The following GALK2 variants were observed in gnomAD, a reference collection of about 807,000 sequenced individuals.
GALK2 encodes galactokinase 2, also known as N-acetylgalactosamine kinase.
Under a neutral mutation model 52.4 loss-of-function variants are expected in GALK2, and 36 were observed. That is an observed-to-expected ratio of 0.69 (90% confidence interval 0.53 to 0.91). The LOEUF (loss-of-function observed/expected upper bound fraction) is 0.91. Ranked by LOEUF, GALK2 falls within the 40% of genes least tolerant of loss-of-function variation. GALK2 has a pLI of 0.00. For synonymous variants in GALK2, 176 were observed against 199.1 expected, an observed-to-expected ratio of 0.88 and a Z score of 0.98; for missense variants, 579 against 559.1, an observed-to-expected ratio of 1.04 and a Z score of -0.36.
chr15:49,333,088 A>G (rs1344375048), downstream of GALK2, among the ~76,000 whole-genome samples: 1 of 152,084 alleles, frequency 6.6e-6, no homozygotes, highest in Non-Finnish European at 1.5e-5. Flanking sequence ...TCATCTCACT[A>G]AGTTAAAATC....
chr15:49,301,571 A>C (rs1378606075), intron 8 of GALK2, among the ~76,000 whole-genome samples: 1 of 152,146 alleles, frequency 6.6e-6, no homozygotes, highest in Non-Finnish European at 1.5e-5. Flanking sequence ...GGACAGAAGA[A>C]TTTCTGAGAA....
chr15:49,214,048 A>G (rs2089164902), intron 2 of GALK2, among the ~76,000 whole-genome samples: 1 of 152,004 alleles, frequency 6.6e-6, no homozygotes, highest in Non-Finnish European at 1.5e-5. Context: ...TGAACCCGGG[A>G]GGTGGAGCGT....
rs568116826 is a variant in GALK2 at position 49,316,741 on chromosome 15, A to T, written c.968-2863A>T. On this transcript the variant is annotated intron_variant, in intron 8 of 9. Transcript: ENST00000560031. ...TTAGGGGAGAGGAACCTAGGGGCAG[A>T]CCCAGGAGGAGAGAAAGTCATGTAG... 6.3e-4 allele frequency among the ~76,000 whole-genome samples: 96 copies of T among 152,304 alleles called. 1 individual carries two copies. Among genetic ancestry groups the T allele is most frequent in the Non-Finnish European group, 2.1e-4 (14 of 68,028 alleles).
chr15:49,335,705 A>G (rs975393586), downstream of GALK2, among the ~76,000 whole-genome samples: 7 of 152,178 alleles, frequency 4.6e-5, no homozygotes, highest in African/African-American at 1.7e-4. Flanking sequence ...CATTATCTCA[A>G]CCACAGCAAC....
chr15:49,235,057 G>A (rs950412957), intron 3 of GALK2, among the ~76,000 whole-genome samples: 9 of 152,286 alleles, frequency 5.9e-5, no homozygotes, highest in East Asian at 1.9e-4. Flanking sequence ...GAGCTGCTGC[G>A]CCTGGCCCAG....
intron 5 of GALK2, among the ~76,000 whole-genome samples, chr15:49,267,855 A>G (rs2092409804): frequency 6.6e-6 from 1 of 152,112 alleles, no homozygotes; most frequent in Admixed American, 6.5e-5. Flanking sequence ...TTTTTTCTGT[A>G]TCTCAGCACA....
intron 8 of GALK2, chr15:49,319,099 C>A (rs1337109363): frequency 1.9e-5 from 7 of 374,214 alleles, no homozygotes; most frequent in Non-Finnish European, 3.6e-5. Context: ...TACATGCACC[C>A]ACCATCATCA....
intron 3 of GALK2, among the ~76,000 whole-genome samples, chr15:49,360,045 C>G (rs1024473182): frequency 5.3e-5 from 7 of 131,212 alleles, no homozygotes; most frequent in African/African-American, 2.1e-4. Context: ...ACAATGAGAT[C>G]ACATGGACAC....
At chr15:49,339,217 T>G (rs1271234529) in intron 3 of GALK2, among the ~76,000 whole-genome samples, 1 of 152,160 alleles carries the variant, frequency 6.6e-6, no homozygotes, top group Non-Finnish European at 1.5e-5. Flanking sequence ...GGCATTCTGG[T>G]TTTTGGAATT....
chr15:49,216,125 G>A (rs1259283190), intron 2 of GALK2, among the ~76,000 whole-genome samples: 3 of 152,200 alleles, frequency 2.0e-5, no homozygotes, highest in African/African-American at 7.2e-5. Flanking sequence ...ATACTGGGCT[G>A]CCTAGAGCAC....
At chr15:49,365,381 A>G in intron 3 of GALK2, 2 of 1,238,018 alleles carry the variant, frequency 1.6e-6, no homozygotes, top group Admixed American at 3.4e-5. Context: ...AACATAGTAT[A>G]TATACGAAGA....
chr15:49,335,503 G>A, downstream of GALK2: 6 of 1,607,076 alleles, frequency 3.7e-6, no homozygotes, highest in Non-Finnish European at 5.1e-6. Flanking sequence ...TAGTGTGCTA[G>A]GCTTATTATT....
chr15:49,170,189 CT>C, upstream of GALK2: 1 of 1,480,832 alleles, frequency 6.8e-7, no homozygotes, highest in Non-Finnish European at 9.0e-7. Flanking sequence ...CTCAGCGAAG[CT>C]GCAGGATTTC....
chr15:49,212,191 C>G (rs1433646322), intron 2 of GALK2, among the ~76,000 whole-genome samples: 2 of 152,308 alleles, frequency 1.3e-5, no homozygotes, highest in Non-Finnish European at 2.9e-5. Context: ...CTCTCAGATT[C>G]AAGTGATTGT....
At chr15:49,348,449 CAT>C (rs757693119) in intron 3 of GALK2, among the ~76,000 whole-genome samples, 3 of 152,158 alleles carry the variant, frequency 2.0e-5, no homozygotes, top group Non-Finnish European at 4.4e-5. Context: ...AAAACAGACA[CAT>C]GTGAGGCAAC....
chr15:49,156,016 G>C, exon 1 of GALK2: 1 of 1,614,138 alleles, frequency 6.2e-7, no homozygotes. Flanking sequence ...CTATATGACA[G>C]GTATTATTTC....
intron 1 of GALK2, among the ~76,000 whole-genome samples, chr15:49,174,344 T>C (rs1373541277): frequency 6.6e-6 from 1 of 152,128 alleles, no homozygotes; most frequent in Non-Finnish European, 1.5e-5. Context: ...CTTGCTTTTT[T>C]GTTTGTTTGT....
intron 3 of GALK2, among the ~76,000 whole-genome samples, chr15:49,351,862 T>C (rs1013527498): frequency 2.0e-5 from 3 of 152,192 alleles, no homozygotes; most frequent in African/African-American, 4.8e-5. Context: ...GTGGGCTAGC[T>C]TGGGAAGGGA....
In GALK2 at chr15:49,178,564, G is replaced by A. The variant is rs148166643; in HGVS notation, c.53+8189G>A. On this transcript the variant is annotated intron_variant, in intron 1 of 9. Transcript: ENST00000560031. ...GGTGCACACGAATCCTATATATAAC[G>A]TAAACTTGCTTGGCCTTGTAGCCCT... 4.2e-3 allele frequency: 1,032 copies of A among 244,434 alleles called. 14 individuals carry two copies. The highest frequency in any genetic ancestry group is 0.022 in the African/African-American group (963 of 43,814). 15.1% of individuals were successfully genotyped at this position (244,434 alleles called of 1,614,324 possible).
Sources: gnomAD v4.1 joint callset for allele counts (sites outside exome capture counted in the v4.1 genomes callset) on GRCh38, gnomAD v4.1.1 for gene constraint, MANE v1.5 for transcripts, NCBI Gene and HGNC (gene_info 2026-07-23, HGNC 2026-07-21) for gene names.